Variants in INTS9 observed in about 807,000 individuals in gnomAD.
INTS9 encodes the protein protein related to CPSF subunits of 74 kDa.
INTS9 carries 55 observed loss-of-function variants against 79.7 expected under a neutral mutation model. The observed-to-expected ratio is 0.69, with a 90% CI of 0.56 to 0.86. The LOEUF is 0.86. Among genes scored for constraint, INTS9 ranks in the 40% least tolerant of loss-of-function variants. The pLI is 0.00. For missense variants in INTS9, 721 were observed against 831.5 expected (o/e 0.87, Z 1.64); for synonymous variants, 319 against 325.2 (o/e 0.98, Z 0.20).
intron 1 of INTS9, among the ~76,000 whole-genome samples, chr8:28,863,628 T>C (rs1031314617): frequency 6.6e-6 from 1 of 152,048 alleles, no homozygotes; most frequent in Non-Finnish European, 1.5e-5. Flanking sequence ...ATACAAAAAT[T>C]AGCTGGGCAT....
intron 8 of INTS9, among the ~76,000 whole-genome samples, chr8:28,802,198 T>C (rs974951010): frequency 1.3e-5 from 2 of 152,212 alleles, no homozygotes; most frequent in African/African-American, 4.8e-5. Flanking sequence ...CAGAGATTCT[T>C]AACCTGATAA....
chr8:28,873,646 T>C (rs939543335), intron 1 of INTS9, among the ~76,000 whole-genome samples: 4 of 152,220 alleles, frequency 2.6e-5, no homozygotes, highest in Non-Finnish European at 2.9e-5. Flanking sequence ...TGGATGCATA[T>C]ATAGGTAAAA....
intron 1 of INTS9, among the ~76,000 whole-genome samples, chr8:28,881,290 G>C (rs1296312502): frequency 3.4e-5 from 5 of 146,874 alleles, no homozygotes; most frequent in African/African-American, 1.3e-4. Context: ...CGCCCAGTCC[G>C]GGAGGGAGGT....
chr8:28,852,514 A>G (rs1321721367), intron 2 of INTS9, among the ~76,000 whole-genome samples: 2 of 152,202 alleles, frequency 1.3e-5, no homozygotes, highest in Admixed American at 6.5e-5. Context: ...ATAAAAGTGT[A>G]ATGACAAGAC....
At chr8:28,834,115 T>C (rs539286431) in intron 6 of INTS9, among the ~76,000 whole-genome samples, 55 of 152,198 alleles carry the variant, frequency 3.6e-4, no homozygotes, top group Non-Finnish European at 7.2e-4. Context: ...TACAGCCTCT[T>C]TTACAACTCT....
chr8:28,874,856 T>G (rs1392153362), intron 1 of INTS9, among the ~76,000 whole-genome samples: 2 of 152,188 alleles, frequency 1.3e-5, no homozygotes, highest in Non-Finnish European at 2.9e-5. Context: ...GCTGTATTAG[T>G]CCGTTTTCAC....
chr8:28,800,860 C>T (rs78479460), intron 8 of INTS9, among the ~76,000 whole-genome samples: 4,880 of 152,262 alleles, frequency 0.032, 100 homozygotes, highest in Non-Finnish European at 0.046. Context: ...TACGTTACTT[C>T]TGAGAGAAGG....
intron 12 of INTS9, 158 bp downstream of exon 12, chr8:28,780,665 T>C (rs759493139): frequency 2.0e-6 from 2 of 985,478 alleles, no homozygotes; most frequent in East Asian, 1.1e-4. Context: ...TGCTTCACTC[T>C]TTCTCTGCGG....
chr8:28,777,740 G>A, intron 13 of INTS9, 89 bp downstream of exon 13: 2 of 1,420,856 alleles, frequency 1.4e-6, no homozygotes, highest in Non-Finnish European at 1.9e-6. Flanking sequence ...ATCAAACACA[G>A]CTAGATCTCT....
At position 28,879,809 on chromosome 8, in the gene INTS9, T is replaced by A. The variant is rs78306075; in HGVS notation, c.9+10065A>T. Among the ~76,000 whole-genome samples, 1,020 of 152,258 alleles carry A rather than the reference T, an allele frequency of 6.7e-3. 14 individuals carry two copies. The highest frequency in any genetic ancestry group is 0.055 in the East Asian group (285 of 5,186). Reference sequence around the variant, plus strand: ...TTACACCAAATGAAAGAAGATGTCTTAGCCACAAAAGACCCCATATCAAAT... The same window carrying A: ...TTACACCAAATGAAAGAAGATGTCTAAGCCACAAAAGACCCCATATCAAAT... On this transcript the variant is annotated intron_variant, in intron 1 of 16. Coordinates refer to ENST00000521022, the MANE Select transcript of INTS9 (RefSeq NM_018250.4).
chr8:28,884,383 CTA>C (rs1175124116), intron 1 of INTS9, among the ~76,000 whole-genome samples: 1 of 151,820 alleles, frequency 6.6e-6, no homozygotes, highest in East Asian at 1.9e-4. Context: ...CAGGGTCTCA[CTA>C]TGTTGCCCAG....
At position 28,804,011 on chromosome 8, in the gene INTS9, C is replaced by T. The variant is rs147334306; in HGVS notation, c.745-7356G>A. On this transcript the variant is annotated intron_variant, in intron 8 of 16. Transcript: ENST00000521022. ...CAGTCACAGCTCACTGCAGCCTCAA[C>T]CTCCCTAACTCAAGCGATCCTCCCA... Among the ~76,000 whole-genome samples the T allele has an allele frequency of 1.7e-3, 265 of 152,232 alleles. 1 individual carries two copies. The highest frequency in any genetic ancestry group is 6.1e-3 in the African/African-American group (253 of 41,538).
intron 1 of INTS9, 93 bp from the exon 2 acceptor site, chr8:28,859,656 T>C (rs771057376): frequency 3.7e-6 from 5 of 1,365,516 alleles, no homozygotes; most frequent in Non-Finnish European, 5.2e-6. Flanking sequence ...TCTTCTCTCA[T>C]AAGACCAGCG....
chr8:28,846,646 T>G (rs1007802819), intron 4 of INTS9, 101 bp downstream of exon 4: 2 of 875,340 alleles, frequency 2.3e-6, no homozygotes, highest in African/African-American at 3.3e-5. Flanking sequence ...CATTTAAACT[T>G]GAAAACAGGA....
intron 8 of INTS9, chr8:28,810,483 C>T (rs76706686): frequency 6.6e-6 from 1 of 152,206 alleles, no homozygotes; most frequent in African/African-American, 2.4e-5. Flanking sequence ...ATAAATAGGC[C>T]AGGTGTGGTG....
intron 1 of INTS9, among the ~76,000 whole-genome samples, chr8:28,881,167 G>A (rs1809755570): frequency 6.8e-6 from 1 of 146,548 alleles, no homozygotes; most frequent in Non-Finnish European, 1.5e-5. Context: ...CCGTCCGGGA[G>A]GTGAGGGGCG....
intron 1 of INTS9, 35 bp from the exon 2 acceptor site, chr8:28,859,598 A>T (rs757956931): frequency 4.4e-6 from 7 of 1,607,942 alleles, no homozygotes; most frequent in Non-Finnish European, 5.1e-6. Context: ...TCAGTAATCA[A>T]TTACAGAAGA....
At position 28,821,217 on chromosome 8, in the gene INTS9, G is replaced by A. The variant is rs189042809; in HGVS notation, c.489-7605C>T. The stretch of plus-strand genomic sequence containing the variant: ...CACACTGCTGATAAAGACATACTGA[G>A]ACTGGGAAGAAAAATAGGTTTAATT... On this transcript the variant is annotated intron_variant, in intron 6 of 16. Transcript: ENST00000521022. 1.8e-3 allele frequency among the ~76,000 whole-genome samples: 268 copies of A among 152,326 alleles called. 1 individual carries two copies. The highest frequency in any genetic ancestry group is 6.1e-3 in the African/African-American group (255 of 41,568).
chr8:28,868,784 C>T (rs907764224), intron 1 of INTS9, among the ~76,000 whole-genome samples: 2 of 152,158 alleles, frequency 1.3e-5, no homozygotes, highest in African/African-American at 2.4e-5. Context: ...GTCACCAACA[C>T]GTTTGTGACA....
Sources: gnomAD v4.1 joint callset for allele counts (sites outside exome capture counted in the v4.1 genomes callset) on GRCh38, gnomAD v4.1.1 for gene constraint, MANE v1.5 for transcripts, NCBI Gene and HGNC (gene_info 2026-07-23, HGNC 2026-07-21) for gene names.